DMD: variants seen among roughly 807,000 people sequenced by gnomAD.
DMD encodes the protein dystrophin, also known as mutant dystrophin.
DMD carries 63 observed loss-of-function variants against 330.1 expected under a neutral mutation model. That is an observed-to-expected ratio of 0.19 (90% CI 0.16 to 0.24). DMD has a LOEUF of 0.24. DMD is among the 10% of genes least tolerant of loss of function. The pLI, the probability that DMD is intolerant of heterozygous loss-of-function variation, is 1.00. For synonymous variants in DMD, 1,223 were observed against 959.8 expected (o/e 1.27, Z -5.07); for missense variants, 3,344 against 2,684.1 (o/e 1.25, Z -5.43).
intron 44 of DMD, among the ~76,000 whole-genome samples, chrX:32,049,162 C>T (rs1312788770): frequency 9.0e-6 from 1 of 111,420 alleles, no homozygotes; most frequent in Non-Finnish European, 1.9e-5. Context: ...GAAGGGACCT[C>T]AAAGCAAGGT....
intron 9 of DMD, among the ~76,000 whole-genome samples, chrX:32,675,679 T>C (rs908397944): frequency 2.7e-5 from 3 of 111,371 alleles, no homozygotes; most frequent in Admixed American, 9.6e-5. Flanking sequence ...TGGAATGAGA[T>C]TGTGTGTGTG....
At chrX:32,663,304 CCATT>C (rs2061069991) in intron 9 of DMD, among the ~76,000 whole-genome samples, 2 of 111,081 alleles carry the variant, frequency 1.8e-5, no homozygotes, top group South Asian at 7.5e-4. Context: ...TGTGTTATAT[CCATT>C]ATTATTTTGC....
chrX:32,430,496 A>G lies in DMD; in HGVS notation c.4071+7745T>C, dbSNP rs192901087. On this transcript the variant is annotated intron_variant, in intron 29 of 78. Coordinates refer to ENST00000357033, the MANE Select transcript of DMD (RefSeq NM_004006.3). Reference sequence around the variant, plus strand: ...ATACACTGATAAAAACATTACCTCAATCTATGACATAAACCTATTCATCAT... The same window carrying G: ...ATACACTGATAAAAACATTACCTCAGTCTATGACATAAACCTATTCATCAT... Among the ~76,000 whole-genome samples the G allele has an allele frequency of 2.3e-3, 261 of 111,509 alleles. 3 individuals are homozygous for G. Among genetic ancestry groups the G allele is most frequent in the Admixed American group, 2.4e-3 (25 of 10,452 alleles).
At chrX:31,603,681 T>A (rs1431582439) in intron 55 of DMD, among the ~76,000 whole-genome samples, 1 of 112,261 alleles carries the variant, frequency 8.9e-6, no homozygotes, top group African/African-American at 3.2e-5. Flanking sequence ...AATATCTTTC[T>A]TGCTCAGAAA....
At chrX:32,907,769 T>A (rs759911970) in intron 2 of DMD, among the ~76,000 whole-genome samples, 1 of 112,249 alleles carries the variant, frequency 8.9e-6, no homozygotes, top group Admixed American at 9.5e-5. Context: ...ACAAAATACT[T>A]TTGAATACTT....
chrX:32,785,556 G>T lies in DMD; in HGVS notation c.649+23937C>A, dbSNP rs2075278289. On this transcript the variant is annotated intron_variant, in intron 7 of 78. Transcript: ENST00000357033. ...CTATTATAATGATTTTGCTTAAAAT[G>T]TACATTTCTGTTTATGATGAATGCA... Among the ~76,000 whole-genome samples the T allele has an allele frequency of 1.1e-4, 12 of 111,255 alleles. No individual in the cohort carries two copies. In the South Asian group the frequency reaches 2.2e-3, roughly 21 times the overall value.
At chrX:32,002,056 C>G (rs1314299118) in intron 44 of DMD, among the ~76,000 whole-genome samples, 1 of 111,823 alleles carries the variant, frequency 8.9e-6, no homozygotes, top group African/African-American at 3.2e-5. Context: ...TCCTGCTCAT[C>G]ATGATGGTCA....
chrX:32,581,640 T>G lies in DMD; in HGVS notation c.1603-7794A>C, dbSNP rs761291652. 5.4e-5 allele frequency among the ~76,000 whole-genome samples: 6 copies of G among 112,067 alleles called. No individual in the cohort carries two copies. In the South Asian group the frequency reaches 2.2e-3, roughly 41 times the overall value. Reference sequence around the variant, plus strand: ...AAATTCCAATTAAAAATGGACATTTTTATGTGTATTAAATACATAAAAATT... The same window carrying G: ...AAATTCCAATTAAAAATGGACATTTGTATGTGTATTAAATACATAAAAATT... On this transcript the variant is annotated intron_variant, in intron 13 of 78. Transcript: ENST00000357033.
At chrX:33,189,478 T>C (rs1486054881) in intron 1 of DMD, among the ~76,000 whole-genome samples, 4 of 111,440 alleles carry the variant, frequency 3.6e-5, no homozygotes, top group East Asian at 5.6e-4. Flanking sequence ...CTAACCTCCA[T>C]TGGCGGAGTC....
intron 62 of DMD, among the ~76,000 whole-genome samples, chrX:31,322,834 T>C (rs994428444): frequency 7.1e-5 from 8 of 112,244 alleles, no homozygotes; most frequent in Admixed American, 5.7e-4. Flanking sequence ...AGGACTATTT[T>C]ATGAACCCAG....
chrX:32,023,829 C>T (rs905844946), intron 44 of DMD, among the ~76,000 whole-genome samples: 21 of 111,604 alleles, frequency 1.9e-4, no homozygotes, highest in Non-Finnish European at 2.1e-4. Context: ...AGCACGTTAA[C>T]GCAGGAACAG....
intron 5 of DMD, 105 bp downstream of exon 5, chrX:32,823,190 G>C (rs987180502): frequency 4.7e-6 from 3 of 641,935 alleles, no homozygotes; most frequent in Non-Finnish European, 7.8e-6. Context: ...TATGGAGCAG[G>C]GTTTGTTATT....
intron 7 of DMD, among the ~76,000 whole-genome samples, chrX:32,756,655 G>A (rs910793295): frequency 1.8e-5 from 2 of 111,570 alleles, no homozygotes; most frequent in African/African-American, 6.5e-5. Context: ...TAGATAGAGG[G>A]ACATTCCAAG....
intron 30 of DMD, among the ~76,000 whole-genome samples, chrX:32,405,803 C>T (rs2098114010): frequency 1.8e-5 from 2 of 111,579 alleles, no homozygotes; most frequent in African/African-American, 6.5e-5. Flanking sequence ...GCATTGGTAG[C>T]TTGATGGGGA....
At chrX:31,961,190 A>C (rs2095299371) in intron 45 of DMD, among the ~76,000 whole-genome samples, 1 of 112,340 alleles carries the variant, frequency 8.9e-6, no homozygotes, top group African/African-American at 3.2e-5. Context: ...CTAAAATATT[A>C]TTAACCAAAC....
intron 2 of DMD, among the ~76,000 whole-genome samples, chrX:32,870,598 A>G (rs1183273783): frequency 1.8e-5 from 2 of 111,046 alleles, no homozygotes; most frequent in African/African-American, 6.6e-5. Flanking sequence ...CAGAACCAAC[A>G]TCTTGGAAAT....
chrX:32,426,993 C>A (rs746737556), intron 29 of DMD, among the ~76,000 whole-genome samples: 2 of 111,200 alleles, frequency 1.8e-5, no homozygotes, highest in African/African-American at 3.3e-5. Flanking sequence ...AGAAAAAATA[C>A]CTATCAGGTA....
At chrX:31,246,351 G>A (rs911241965) in intron 63 of DMD, among the ~76,000 whole-genome samples, 2 of 112,610 alleles carry the variant, frequency 1.8e-5, no homozygotes, top group East Asian at 2.8e-4. Context: ...GCAAGATGAA[G>A]CAGCAAGCAT....
chrX:33,302,769 C>G (rs913177530), intron 1 of DMD, among the ~76,000 whole-genome samples: 4 of 111,418 alleles, frequency 3.6e-5, no homozygotes, highest in African/African-American at 1.3e-4. Context: ...CCTATATTGA[C>G]AAATCATTAT....
Sources: allele counts gnomAD v4.1 joint callset (sites outside exome capture counted in the v4.1 genomes callset), GRCh38; gene constraint gnomAD v4.1.1; transcripts MANE v1.5; gene names NCBI Gene and HGNC (gene_info 2026-07-23, HGNC 2026-07-21).